ALK: variants seen among roughly 807,000 people sequenced by gnomAD.
ALK encodes the protein ALK receptor tyrosine kinase, also known as ALK tyrosine kinase receptor.
A neutral mutation model predicts 163.1 loss-of-function variants in ALK; 74 were observed. The observed-to-expected ratio is 0.45, with a 90% CI of 0.38 to 0.55. ALK has a LOEUF of 0.55. ALK is among the 20% of genes least tolerant of loss of function. The pLI is 0.00. For synonymous variants in ALK, 960 were observed against 843.2 expected (o/e 1.14, Z -2.40); for missense variants, 2,063 against 2,105.3 (o/e 0.98, Z 0.39).
intron 5 of ALK, among the ~76,000 whole-genome samples, chr2:29,353,802 C>T (rs1230594550): frequency 6.6e-6 from 1 of 152,072 alleles, no homozygotes; most frequent in African/African-American, 2.4e-5. Flanking sequence ...CTGTTCTGGG[C>T]ACATAAAAGT....
At chr2:29,405,216 A>T (rs1338718536) in intron 4 of ALK, among the ~76,000 whole-genome samples, 4 of 152,222 alleles carry the variant, frequency 2.6e-5, no homozygotes, top group African/African-American at 9.6e-5. Flanking sequence ...AATGAGAGGC[A>T]GAGCTTAAGG....
intron 1 of ALK, among the ~76,000 whole-genome samples, chr2:29,787,098 C>T (rs1664053660): frequency 6.6e-6 from 1 of 152,088 alleles, no homozygotes; most frequent in African/African-American, 2.4e-5. Flanking sequence ...CCCGGCCTTC[C>T]CTGGGAGTTT....
chr2:29,193,481 C>G lies in ALK; in HGVS notation c.4606G>C (p.Glu1536Gln), dbSNP rs752701859. ...EPHDRGNLGL[E>Q]GSCTVPPNVA... ...TTAGGTGGGACAGTACAGCTTCCCTCCAGCCCCAGGTTACCCCTGTCGTGT... is the reference window on the plus strand; with the variant it reads ...TTAGGTGGGACAGTACAGCTTCCCTGCAGCCCCAGGTTACCCCTGTCGTGT... The change falls in exon 29 of 29, where the codon GAG (glutamate) becomes CAG (glutamine). Residue 1536 changes from glutamate (E) to glutamine (Q), a missense_variant. By Grantham distance (29) the Glu-to-Gln change is conservative. This residue lies in a region of ALK where 403 missense variants were observed against 366.2 expected (regional missense o/e 1.10). Transcript: ENST00000389048. 1.9e-6 allele frequency: 3 copies of G among 1,614,206 alleles called. No individual in the cohort carries two copies. The South Asian group carries it at 3.3e-5, about 18-fold the overall frequency.
At chr2:29,481,327 A>G (rs1315417688) in intron 4 of ALK, among the ~76,000 whole-genome samples, 2 of 152,220 alleles carry the variant, frequency 1.3e-5, no homozygotes, top group Admixed American at 6.5e-5. Flanking sequence ...ACTCCCCTGT[A>G]AACAAATTTA....
chr2:29,696,899 A>G (rs1678582321), intron 2 of ALK, among the ~76,000 whole-genome samples: 1 of 151,540 alleles, frequency 6.6e-6, no homozygotes, highest in African/African-American at 2.4e-5. Flanking sequence ...GCCTGGCCAG[A>G]AATAAAACCT....
chr2:29,920,632 G>GCA lies in ALK; in HGVS notation c.27_28insTG (p.Leu10CysfsTer72). 6.5e-7 allele frequency: 1 copy of GCA among 1,540,572 alleles called. No homozygotes were observed. The highest frequency in any genetic ancestry group is 2.4e-5 in the East Asian group (1 of 41,160). On this transcript the variant is annotated frameshift_variant, in exon 1 of 29. Coordinates refer to ENST00000389048, the MANE Select transcript of ALK (RefSeq NM_004304.5). LOFTEE classifies it high-confidence loss of function. The stretch of plus-strand genomic sequence containing the variant: ...GCTGCCGTGGAAAGCAGCAGCGGCA[G>GCA]GAGCCACAGGAGCCCGATGGCTCCC...
intron 1 of ALK, among the ~76,000 whole-genome samples, chr2:29,718,937 C>G (rs993325599): frequency 2.0e-5 from 3 of 152,340 alleles, no homozygotes; most frequent in Non-Finnish European, 4.4e-5. Flanking sequence ...GCCTGCTCTG[C>G]AGTTTCTTCC....
At chr2:29,648,850 A>G (rs1676958496) in intron 3 of ALK, among the ~76,000 whole-genome samples, 1 of 152,188 alleles carries the variant, frequency 6.6e-6, no homozygotes, top group Non-Finnish European at 1.5e-5. Context: ...AGGATGCACA[A>G]CAAGCACATA....
At chr2:29,614,151 T>C (rs188658966) in intron 3 of ALK, among the ~76,000 whole-genome samples, 1 of 152,206 alleles carries the variant, frequency 6.6e-6, no homozygotes, top group East Asian at 1.9e-4. Context: ...GCCCTGCTTC[T>C]CTCGGGTCCT....
chr2:29,202,781 T>C (rs1669215392), intron 26 of ALK, among the ~76,000 whole-genome samples: 1 of 152,248 alleles, frequency 6.6e-6, no homozygotes, highest in South Asian at 2.1e-4. Context: ...AATTTTTCCA[T>C]CTCCTAGTTG....
intron 9 of ALK, among the ~76,000 whole-genome samples, chr2:29,293,069 C>T (rs975323203): frequency 3.9e-5 from 6 of 152,184 alleles, no homozygotes; most frequent in Non-Finnish European, 7.3e-5. Flanking sequence ...AGGTACCAGG[C>T]AAGTCCCTAA....
intron 2 of ALK, among the ~76,000 whole-genome samples, chr2:29,711,005 G>A (rs1366099836): frequency 1.3e-5 from 2 of 152,144 alleles, no homozygotes; most frequent in Non-Finnish European, 2.9e-5. Flanking sequence ...CTTGCCAAAT[G>A]TTTCTCTTCT....
At chr2:29,444,734 A>G (rs1670629423) in intron 4 of ALK, among the ~76,000 whole-genome samples, 1 of 152,160 alleles carries the variant, frequency 6.6e-6, no homozygotes, top group South Asian at 2.1e-4. Context: ...ATTTTTCAAG[A>G]AATTAAAAAG....
At chr2:29,382,893 TAAATGAAGAGCCACAGGGGC>T (rs984470626) in intron 5 of ALK, among the ~76,000 whole-genome samples, 2 of 152,124 alleles carry the variant, frequency 1.3e-5, no homozygotes, top group African/African-American at 4.8e-5. Context: ...AAGCCAGCAA[TAAATGAAGAGCCACAGGGGC>T]AAAAGAAGCT....
intron 4 of ALK, among the ~76,000 whole-genome samples, chr2:29,529,615 C>T (rs1673062139): frequency 6.6e-6 from 1 of 152,204 alleles, no homozygotes; most frequent in African/African-American, 2.4e-5. Context: ...TGGGCAAATG[C>T]CCTGTTCCTT....
Position 29,690,454 on chromosome 2 carries a change from G to A in ALK, c.952+4396C>T, listed in dbSNP as rs1417549256. On this transcript the variant is annotated intron_variant, in intron 3 of 28. Transcript: ENST00000389048. ...AGGGCTCTGCAGATGGGCTGAGAGT[G>A]TGTTTTCCATTTTTAAGCCAGGATT... is the stretch of plus-strand genomic sequence containing the variant. Among the ~76,000 whole-genome samples the A allele has an allele frequency of 3.3e-5, 5 of 152,288 alleles. No individual in the cohort carries two copies. In the East Asian group the frequency reaches 9.7e-4, roughly 29 times the overall value.
Position 29,228,932 on chromosome 2 carries a change from C to CA in ALK, c.2766_2767insT (p.Gly923TrpfsTer25). 6 of 1,503,668 alleles carry CA rather than the reference C, an allele frequency of 4.0e-6. No individual in the cohort carries two copies. Among genetic ancestry groups the CA allele is most frequent in the Non-Finnish European group, 5.5e-6 (6 of 1,086,536 alleles). 93.1% of individuals were successfully genotyped at this position (1,503,668 alleles called of 1,614,324 possible). ...CCTGAGGAGCACCCCCCTCCACCCCCTCCGAAACCCCCTCTTGTCTCCCAC... is the reference window on the plus strand; with the variant it reads ...CCTGAGGAGCACCCCCCTCCACCCCCATCCGAAACCCCCTCTTGTCTCCCAC... On this transcript the variant is annotated frameshift_variant, in exon 16 of 29. Transcript: ENST00000389048. LOFTEE classifies it high-confidence loss of function.
rs57619106 is a variant in ALK, at chr2:29,789,015, CTGTG to C, written c.668-71322_668-71319del. Among the ~76,000 whole-genome samples, 57 of 125,486 alleles carry C rather than the reference CTGTG, an allele frequency of 4.5e-4. No individual in the cohort carries two copies. The South Asian group carries it at 4.9e-3, about 11-fold the overall frequency. 82.3% of individuals were successfully genotyped at this position (125,486 alleles called of 152,430 possible). On this transcript the variant is annotated intron_variant, in intron 1 of 28. Transcript: ENST00000389048. The stretch of plus-strand genomic sequence containing the variant: ...TAAAAACATGCTCCATCCTGGTACA[CTGTG>C]TGTGTGTGTGTGTGTGTGTGTGTGT...
At chr2:29,777,956 C>G (rs1337982530) in intron 1 of ALK, among the ~76,000 whole-genome samples, 1 of 152,180 alleles carries the variant, frequency 6.6e-6, no homozygotes, top group Non-Finnish European at 1.5e-5. Context: ...ACCAGTCCAG[C>G]CTTCCACCTG....
Sources: gnomAD v4.1 joint callset for allele counts (sites outside exome capture counted in the v4.1 genomes callset) on GRCh38, gnomAD v4.1.1 for gene constraint, gnomAD v4.1.1 regional missense constraint, MANE v1.5 for transcripts, NCBI Gene and HGNC (gene_info 2026-07-23, HGNC 2026-07-21) for gene names.